Variants in CDH3 observed in about 807,000 individuals in gnomAD.
The protein encoded by CDH3 is cadherin-3.
A neutral mutation model predicts 82.0 loss-of-function variants in CDH3; 54 were observed. The observed-to-expected ratio is 0.66, with a 90% CI of 0.53 to 0.83. CDH3 has a LOEUF of 0.83. Among genes scored for constraint, CDH3 ranks in the 40% least tolerant of loss-of-function variants. The probability of loss-of-function intolerance (pLI) is 0.00; values close to 1 mark genes in which losing one functional copy is unlikely to be tolerated. For missense variants in CDH3, 1,054 were observed against 1,084.6 expected (o/e 0.97, Z 0.40); for synonymous variants, 446 against 437.9 (o/e 1.02, Z -0.23).
Position 68,687,575 on chromosome 16 carries a change from G to T in CDH3, c.1634G>T (p.Gly545Val), listed in dbSNP as rs1331046437. The T allele has an allele frequency of 6.2e-7, 1 of 1,613,960 alleles. No individual in the cohort carries two copies. Among genetic ancestry groups the T allele is most frequent in the Non-Finnish European group, 8.5e-7 (1 of 1,180,020 alleles). ...ACACTGATTGATGTCAATGACCATGGCCCAGTCCCTGAGCCCCGTCAGATC... is the reference window on the plus strand; with the variant it reads ...ACACTGATTGATGTCAATGACCATGTCCCAGTCCCTGAGCCCCGTCAGATC... ...LLTLIDVNDH[G>V]PVPEPRQITI... Residue 545 changes from glycine (G) to valine (V), a missense_variant, in exon 12 of 16, where the codon GGC (glycine) becomes GTC (valine). Coordinates refer to ENST00000264012, the MANE Select transcript of CDH3 (RefSeq NM_001793.6).
Position 68,687,729 on chromosome 16 carries a change from C to T in CDH3, c.1788C>T (p.Asn596=), listed in dbSNP as rs764866365. 39 of 1,612,948 alleles carry T rather than the reference C, an allele frequency of 2.4e-5. No homozygotes were observed. The highest frequency in any genetic ancestry group is 4.0e-5 in the African/African-American group (3 of 74,884). Residue 596 remains asparagine (N), a synonymous_variant, in exon 12 of 16, where the codon AAC becomes AAT. Coordinates refer to ENST00000264012, the MANE Select transcript of CDH3 (RefSeq NM_001793.6). Reference sequence around the variant, plus strand: ...ACATCTACTGGACGGCAGAGGTCAACGAGGAAGGTACCTGAGTGAGTGGTG... The same window carrying T: ...ACATCTACTGGACGGCAGAGGTCAATGAGGAAGGTACCTGAGTGAGTGGTG... ...DSDIYWTAEV[N]EEGDTVVLSL...
At chr16:68,687,440 A>T in intron 11 of CDH3, 72 bp from the exon 12 acceptor site, 1 of 1,226,444 alleles carries the variant, frequency 8.2e-7, no homozygotes. Context: ...GCTGGGCGGT[A>T]AACAGGAGGA....
chr16:68,674,942 A>G (rs924366167), intron 2 of CDH3, among the ~76,000 whole-genome samples: 2 of 147,836 alleles, frequency 1.4e-5, no homozygotes, highest in African/African-American at 5.0e-5. Flanking sequence ...GTGAAACCCC[A>G]TCTCTACTAA....
At chr16:68,728,262 T>C (rs1177946559), downstream of CDH3, among the ~76,000 whole-genome samples, 1 of 152,044 alleles carries the variant, frequency 6.6e-6, no homozygotes, top group African/African-American at 2.4e-5. Flanking sequence ...GCCTCCCGGG[T>C]TCCTGCCATT....
downstream of CDH3, among the ~76,000 whole-genome samples, chr16:68,731,584 C>T (rs1490644971): frequency 6.7e-6 from 1 of 149,406 alleles, no homozygotes; most frequent in East Asian, 2.0e-4. Flanking sequence ...TGTTTGTAAT[C>T]CCAGCACTTT....
At position 68,679,977 on chromosome 16, in the gene CDH3, G is replaced by A. The variant is rs969530838; in HGVS notation, c.867+3G>A. ...TCTCCAGTGGCCTGGACCGGGAAGTGAGTGGCCCTTAGGGAAAGTACTGCC... is the reference window on the plus strand; with the variant it reads ...TCTCCAGTGGCCTGGACCGGGAAGTAAGTGGCCCTTAGGGAAAGTACTGCC... On this transcript the variant is annotated splice_donor_region_variant and intron_variant, in intron 7 of 15. Transcript: ENST00000264012. 6.2e-7 allele frequency: 1 copy of A among 1,613,858 alleles called. No homozygotes were observed. The highest frequency in any genetic ancestry group is 1.1e-5 in the South Asian group (1 of 91,074).
In CDH3 at chr16:68,681,115, T is replaced by C. The variant is rs745553247; in HGVS notation, c.996+19T>C. ...CCAGAAGGTAATGCCCCTTCCTCAC[T>C]CAGTCCCTCATCAGATAATGAAGGA... On this transcript the variant is annotated intron_variant, in intron 8 of 15. Coordinates refer to ENST00000264012, the MANE Select transcript of CDH3 (RefSeq NM_001793.6). 2 of 1,613,604 alleles carry C rather than the reference T, an allele frequency of 1.2e-6. No individual in the cohort carries two copies. The highest frequency in any genetic ancestry group is 3.3e-5 in the Admixed American group (2 of 60,016).
At chr16:68,717,251 C>T (rs72785161) in intron 1 of CDH3, among the ~76,000 whole-genome samples, 8,803 of 152,048 alleles carry the variant, frequency 0.058, 285 homozygotes, top group Non-Finnish European at 0.071. Flanking sequence ...TAAATTAAAA[C>T]GACAATAAGA....
intron 2 of CDH3, among the ~76,000 whole-genome samples, chr16:68,669,385 TG>T (rs1960825288): frequency 6.6e-6 from 1 of 152,138 alleles, no homozygotes; most frequent in Admixed American, 6.5e-5. Flanking sequence ...ATATGCACCC[TG>T]AGTGGGAGGC....
At chr16:68,730,189 C>G (rs1448179654), downstream of CDH3, among the ~76,000 whole-genome samples, 1 of 147,318 alleles carries the variant, frequency 6.8e-6, no homozygotes, top group Non-Finnish European at 1.5e-5. Context: ...GCTGAGATTG[C>G]ACCACTGCAC....
At chr16:68,732,468 C>T (rs1024043288), downstream of CDH3, among the ~76,000 whole-genome samples, 2 of 152,210 alleles carry the variant, frequency 1.3e-5, no homozygotes, top group African/African-American at 2.4e-5. Flanking sequence ...CTGTCCTCTG[C>T]CATAAGGAAA....
downstream of CDH3, among the ~76,000 whole-genome samples, chr16:68,729,012 A>G (rs1038682669): frequency 5.3e-5 from 8 of 152,154 alleles, no homozygotes; most frequent in African/African-American, 1.9e-4. Context: ...TCAACCAAAA[A>G]CAAAATGCAG....
chr16:68,678,312 G>A (rs1468000827), intron 4 of CDH3, 35 bp downstream of exon 4: 3 of 1,612,066 alleles, frequency 1.9e-6, no homozygotes, highest in African/African-American at 2.7e-5. Context: ...AGCATTGGTG[G>A]CTCCAGGGAC....
intron 2 of CDH3, among the ~76,000 whole-genome samples, chr16:68,724,025 G>C (rs572780839): frequency 0.043 from 6,400 of 147,980 alleles, 476 homozygotes; most frequent in African/African-American, 0.15. Flanking sequence ...GCCGAGATCG[G>C]GCCACTGCAC....
rs761084275 is a variant in CDH3, at chr16:68,698,286, G to C, written c.2376G>C (p.Leu792=). The change falls in exon 16 of 16, where the codon CTG becomes CTC. Residue 792 remains leucine (L), a synonymous_variant. Coordinates refer to ENST00000264012, the MANE Select transcript of CDH3 (RefSeq NM_001793.6). ...YEGSGSDAAS[L]SSLTSSASDQ... is the part of the protein sequence containing the mutation. The stretch of plus-strand genomic sequence containing the variant: ...GCAGCGGCTCCGACGCCGCGTCCCT[G>C]AGCTCCCTCACCTCCTCCGCCTCCG... The C allele has an allele frequency of 1.2e-6, 2 of 1,614,244 alleles. No individual in the cohort carries two copies. The highest frequency in any genetic ancestry group is 1.7e-6 in the Non-Finnish European group (2 of 1,180,042).
At chr16:68,655,053 G>A (rs1038803507) in intron 2 of CDH3, among the ~76,000 whole-genome samples, 7 of 150,646 alleles carry the variant, frequency 4.6e-5, no homozygotes, top group Admixed American at 2.6e-4. Flanking sequence ...AAATAAATAC[G>A]TAAAATAGAG....
intron 1 of CDH3, among the ~76,000 whole-genome samples, chr16:68,715,711 C>G (rs1962087919): frequency 6.6e-6 from 1 of 152,178 alleles, no homozygotes; most frequent in South Asian, 2.1e-4. Flanking sequence ...ACAGGGAGGT[C>G]CTGGGAATGG....
chr16:68,668,562 G>A (rs191999499), intron 2 of CDH3, among the ~76,000 whole-genome samples: 27 of 152,294 alleles, frequency 1.8e-4, no homozygotes, highest in African/African-American at 5.8e-4. Context: ...TGCCTAGCAA[G>A]TTTCCCTAGA....
chr16:68,697,793 C>T (rs986254861), intron 15 of CDH3, among the ~76,000 whole-genome samples: 9 of 152,124 alleles, frequency 5.9e-5, no homozygotes, highest in East Asian at 1.9e-4. Context: ...TAAAACTATA[C>T]GGAGGCACAT....
Sources: gnomAD v4.1 joint callset for allele counts (sites outside exome capture counted in the v4.1 genomes callset) on GRCh38, gnomAD v4.1.1 for gene constraint, MANE v1.5 for transcripts, NCBI Gene and HGNC (gene_info 2026-07-23, HGNC 2026-07-21) for gene names.